Variants in FSTL5 observed in about 807,000 individuals in gnomAD.
FSTL5 encodes the protein follistatin-related protein 5.
In FSTL5, 62 loss-of-function variants were observed where a neutral mutation model predicts 89.1. The ratio of observed to expected loss-of-function variants is 0.70; its 90% CI spans 0.57 to 0.86. The LOEUF (loss-of-function observed/expected upper bound fraction) is 0.86. Among genes scored for constraint, FSTL5 ranks in the 40% least tolerant of loss-of-function variants. The probability of loss-of-function intolerance (pLI) is 0.00; values close to 1 mark genes in which losing one functional copy is unlikely to be tolerated. For missense variants in FSTL5, 1,057 were observed against 1,001.6 expected (o/e 1.06, Z -0.75); for synonymous variants, 383 against 346.2 (o/e 1.11, Z -1.18).
chr4:162,108,637 G>C (rs972696619), intron 2 of FSTL5, among the ~76,000 whole-genome samples: 1 of 151,264 alleles, frequency 6.6e-6, no homozygotes, highest in Admixed American at 6.6e-5. Context: ...AAATCATATA[G>C]GTTAAAAATA....
At chr4:161,995,704 G>A (rs11727019) in intron 3 of FSTL5, among the ~76,000 whole-genome samples, 60,764 of 151,064 alleles carry the variant, frequency 0.4, 12,426 homozygotes, top group Middle Eastern at 0.57. Context: ...ATTAATTTCT[G>A]TTCTCCAACT....
intron 4 of FSTL5, among the ~76,000 whole-genome samples, chr4:161,845,233 T>G (rs1731331633): frequency 6.6e-6 from 1 of 152,192 alleles, no homozygotes; most frequent in Non-Finnish European, 1.5e-5. Flanking sequence ...GATTGCTAAA[T>G]ATCTTTAAAA....
chr4:161,847,612 T>A lies in FSTL5; in HGVS notation c.410-71538A>T, dbSNP rs899146699. On this transcript the variant is annotated intron_variant, in intron 4 of 15. Coordinates refer to ENST00000306100, the MANE Select transcript of FSTL5 (RefSeq NM_020116.5). Reference sequence around the variant, plus strand: ...CCAGTTTTTTGTTTCTGTTTTTGTCTTTTTTCTCCCTTTCTTTGAGTGGAG... The same window carrying A: ...CCAGTTTTTTGTTTCTGTTTTTGTCATTTTTCTCCCTTTCTTTGAGTGGAG... 9.8e-5 allele frequency among the ~76,000 whole-genome samples: 15 copies of A among 152,298 alleles called. 1 individual carries two copies. Among genetic ancestry groups the A allele is most frequent in the Admixed American group, 9.8e-4 (15 of 15,274 alleles).
At chr4:162,055,542 GA>G (rs1738514488) in intron 2 of FSTL5, among the ~76,000 whole-genome samples, 2 of 151,438 alleles carry the variant, frequency 1.3e-5, no homozygotes, top group Non-Finnish European at 3.0e-5. Context: ...TAGATAGATA[GA>G]TAGATAGATA....
chr4:162,029,446 A>T (rs1344895842), intron 3 of FSTL5, among the ~76,000 whole-genome samples: 1 of 152,128 alleles, frequency 6.6e-6, no homozygotes, highest in African/African-American at 2.4e-5. Flanking sequence ...ACCAGTGTTT[A>T]ATGTCCTTGT....
chr4:161,408,733 A>C (rs765315018), intron 15 of FSTL5, among the ~76,000 whole-genome samples: 1 of 152,182 alleles, frequency 6.6e-6, no homozygotes, highest in Non-Finnish European at 1.5e-5. Context: ...AGAAGTACCC[A>C]AACTGAGCTT....
intron 4 of FSTL5, among the ~76,000 whole-genome samples, chr4:161,797,629 TA>T (rs1242591613): frequency 2.0e-5 from 3 of 151,626 alleles, no homozygotes; most frequent in African/African-American, 7.2e-5. Flanking sequence ...GAACCACTAT[TA>T]AAAAATGGAT....
intron 5 of FSTL5, among the ~76,000 whole-genome samples, chr4:161,766,757 A>G (rs961871465): frequency 1.3e-5 from 2 of 152,196 alleles, no homozygotes; most frequent in Non-Finnish European, 2.9e-5. Context: ...ACTTCAGTGT[A>G]AGAAAGGTGT....
At chr4:162,097,959 C>T (rs560123648) in intron 2 of FSTL5, among the ~76,000 whole-genome samples, 2 of 151,948 alleles carry the variant, frequency 1.3e-5, no homozygotes, top group Middle Eastern at 3.4e-3. Context: ...CTCCTAGTAG[C>T]GACCCAAGGG....
intron 15 of FSTL5, among the ~76,000 whole-genome samples, chr4:161,402,515 T>A (rs2110910866): frequency 6.6e-6 from 1 of 152,294 alleles, no homozygotes; most frequent in Non-Finnish European, 1.5e-5. Flanking sequence ...GTGATGGGAT[T>A]CAGTAAGGTT....
At chr4:161,860,905 T>C (rs1255769006) in intron 4 of FSTL5, among the ~76,000 whole-genome samples, 7 of 151,768 alleles carry the variant, frequency 4.6e-5, no homozygotes, top group Non-Finnish European at 7.4e-5. Context: ...TTTTCACCCC[T>C]CTCTCTCTCA....
chr4:161,822,760 T>C (rs1460832457), intron 4 of FSTL5, among the ~76,000 whole-genome samples: 1 of 152,206 alleles, frequency 6.6e-6, no homozygotes, highest in African/African-American at 2.4e-5. Context: ...GCATTCAGCA[T>C]GTCCTGAGTT....
intron 7 of FSTL5, among the ~76,000 whole-genome samples, chr4:161,649,433 CAAAT>C (rs779352471): frequency 6.6e-5 from 10 of 151,878 alleles, no homozygotes; most frequent in South Asian, 2.1e-4. Flanking sequence ...TGTCAATAAA[CAAAT>C]AAATAAAGCA....
chr4:161,946,839 TTATTA>T (rs1488149733), intron 3 of FSTL5, among the ~76,000 whole-genome samples: 12 of 152,182 alleles, frequency 7.9e-5, no homozygotes, highest in Non-Finnish European at 1.8e-4. Flanking sequence ...TTAAAGTGGC[TTATTA>T]TATTACACTC....
intron 4 of FSTL5, among the ~76,000 whole-genome samples, chr4:161,881,703 A>AAAAC (rs765206557): frequency 5.3e-5 from 8 of 152,036 alleles, no homozygotes; most frequent in East Asian, 1.9e-4. Flanking sequence ...GCTTTTATGG[A>AAAAC]AAACAAACAA....
chr4:161,531,863 T>C (rs1731421745), intron 10 of FSTL5, among the ~76,000 whole-genome samples: 1 of 152,202 alleles, frequency 6.6e-6, no homozygotes, highest in Admixed American at 6.5e-5. Context: ...TTGGGTTTTC[T>C]AGGCTTTTGA....
chr4:161,674,992 A>T (rs777292115), intron 6 of FSTL5, among the ~76,000 whole-genome samples: 13 of 152,074 alleles, frequency 8.5e-5, no homozygotes, highest in Non-Finnish European at 1.6e-4. Context: ...ATCTGAATTG[A>T]CTCAATTGAG....
At chr4:161,755,714 T>C (rs1579070127) in intron 6 of FSTL5, among the ~76,000 whole-genome samples, 1 of 152,202 alleles carries the variant, frequency 6.6e-6, no homozygotes, top group African/African-American at 2.4e-5. Context: ...TATATATTCC[T>C]AGGGGAAAGG....
intron 4 of FSTL5, among the ~76,000 whole-genome samples, chr4:161,845,917 G>A (rs1731353404): frequency 6.6e-6 from 1 of 151,990 alleles, no homozygotes; most frequent in African/African-American, 2.4e-5. Flanking sequence ...ATGGTGGCAG[G>A]TGCCTGTAAT....
Sources: gnomAD v4.1 joint callset for allele counts (sites outside exome capture counted in the v4.1 genomes callset) on GRCh38, gnomAD v4.1.1 for gene constraint, MANE v1.5 for transcripts, NCBI Gene and HGNC (gene_info 2026-07-23, HGNC 2026-07-21) for gene names.